Variants in ABCC10 observed in about 807,000 individuals in gnomAD.
ABCC10 encodes the protein ATP-binding cassette sub-family C member 10.
Under a neutral mutation model 143.2 loss-of-function variants are expected in ABCC10, and 110 were observed. The observed-to-expected ratio is 0.77, with a 90% CI of 0.66 to 0.90. The LOEUF is 0.90. Ranked by LOEUF, ABCC10 falls within the 40% of genes least tolerant of loss-of-function variation. The pLI is 0.00. For synonymous variants in ABCC10, 805 were observed against 846.7 expected (o/e 0.95, Z 0.85); for missense variants, 1,700 against 1,900.5 (o/e 0.89, Z 1.96).
At chr6:43,428,667 T>C (rs1780761608) in intron 2 of ABCC10, among the ~76,000 whole-genome samples, 1 of 152,194 alleles carries the variant, frequency 6.6e-6, no homozygotes, top group Non-Finnish European at 1.5e-5. Flanking sequence ...TTAAGGGCTA[T>C]AAGGTGTGGA....
chr6:43,428,906 C>T (rs1260832039), intron 2 of ABCC10, among the ~76,000 whole-genome samples: 1 of 152,178 alleles, frequency 6.6e-6, no homozygotes, highest in African/African-American at 2.4e-5. Flanking sequence ...TCTGAGAAGG[C>T]TGTCTATGCT....
At chr6:43,451,908 C>G, downstream of ABCC10, 1 of 1,612,662 alleles carries the variant, frequency 6.2e-7, no homozygotes, top group Non-Finnish European at 8.5e-7. This position sits in a 1 kb window ranked among gnomAD's most constrained non-coding sequence, Gnocchi z 4.4. Context: ...TCTGGTCTAA[C>G]CTTCCACTCA....
chr6:43,449,320 TG>T (rs1267663374), intron 20 of ABCC10, 101 bp from the exon 21 acceptor site: 3 of 1,492,662 alleles, frequency 2.0e-6, no homozygotes, highest in African/African-American at 2.8e-5. Context: ...CTTTTAGAGC[TG>T]GAAGTGGGGA....
intron 16 of ABCC10, 140 bp downstream of exon 16, chr6:43,446,586 C>T: frequency 2.1e-6 from 3 of 1,429,272 alleles, no homozygotes; most frequent in South Asian, 1.5e-5. Flanking sequence ...TTATCATCAT[C>T]ACCCCCGTTT....
intron 13 of ABCC10, 64 bp downstream of exon 13, chr6:43,445,002 G>A (rs952741879): frequency 2.5e-6 from 4 of 1,580,200 alleles, no homozygotes; most frequent in Non-Finnish European, 3.4e-6. Flanking sequence ...AGGGAGTGAG[G>A]GTTGTGGCCG....
At chr6:43,428,207 TC>T (rs1223605516) in intron 2 of ABCC10, 68 bp downstream of exon 2, 1 of 1,429,108 alleles carries the variant, frequency 7.0e-7, no homozygotes, top group African/African-American at 1.4e-5. Flanking sequence ...GCCTACATCT[TC>T]CGGCAGTGTC....
In ABCC10 at chr6:43,432,505, C is replaced by T. The variant is rs2127383820; in HGVS notation, c.525C>T (p.Leu175=). ...LPGPMARLCL[L]ILQLAALLAY... ...GGCCCATGGCCCGCCTATGCTTGCT[C>T]ATCCTGCAGCTGGCTGCACTCTTGG... The change falls in exon 3 of 22, where the codon CTC becomes CTT. Residue 175 remains leucine, a synonymous_variant. Transcript: ENST00000372530. 1 of 1,612,222 alleles carries T rather than the reference C, an allele frequency of 6.2e-7. No individual in the cohort carries two copies. Among genetic ancestry groups the T allele is most frequent in the East Asian group, 2.2e-5 (1 of 44,892 alleles).
Position 43,433,046 on chromosome 6 carries a change from C to G in ABCC10, c.1066C>G (p.Arg356Gly), listed in dbSNP as rs150694420. The change falls in exon 3 of 22, where the codon CGG becomes GGG. Residue 356 changes from arginine (R) to glycine (G), a missense_variant. Coordinates refer to ENST00000372530, the MANE Select transcript of ABCC10 (RefSeq NM_001198934.2). ...GGTATATAAGGTAACACTTCAGGCA[C>G]GGGGGGCTGTGCTGAACATCCTGTA... Reference protein sequence around the residue: ...YEVYKVTLQARGAVLNILYCK... With the variant: ...YEVYKVTLQAGGAVLNILYCK... 1 of 1,614,106 alleles carries G rather than the reference C, an allele frequency of 6.2e-7. No individual in the cohort carries two copies. Among genetic ancestry groups the G allele is most frequent in the South Asian group, 1.1e-5 (1 of 91,076 alleles).
rs969772348 is a variant in ABCC10 at position 43,446,261 on chromosome 6, C to T, written c.3375-16C>T. On this transcript the variant is annotated splice_polypyrimidine_tract_variant and intron_variant, in intron 15 of 21. Transcript: ENST00000372530. ...GCAACAGTGGAGTGGCTTCACATCCCTCTGGCCTTCCCTAGGTTTGAGGAG... is the reference window on the plus strand; with the variant it reads ...GCAACAGTGGAGTGGCTTCACATCCTTCTGGCCTTCCCTAGGTTTGAGGAG... 3 of 1,609,354 alleles carry T rather than the reference C, an allele frequency of 1.9e-6. No individual in the cohort carries two copies. Among genetic ancestry groups the T allele is most frequent in the Non-Finnish European group, 2.5e-6 (3 of 1,177,166 alleles).
chr6:43,450,444 G>T, downstream of ABCC10: 1 of 1,384,566 alleles, frequency 7.2e-7, no homozygotes, highest in Non-Finnish European at 9.7e-7. The surrounding 1 kb of genome is among the most constrained non-coding windows in gnomAD (Gnocchi z 4.5). Flanking sequence ...GGTCTCCTCT[G>T]TGTGTGTACC....
chr6:43,438,251 A>C, intron 7 of ABCC10: 1 of 1,039,456 alleles, frequency 9.6e-7, no homozygotes, highest in African/African-American at 1.6e-5. Context: ...GGAAACATCC[A>C]GTGTCAGCTA....
At position 43,432,112 on chromosome 6, in the gene ABCC10, G is replaced by A. The variant is rs200566277; in HGVS notation, c.162-30G>A. 4 of 1,607,748 alleles carry A rather than the reference G, an allele frequency of 2.5e-6. No homozygotes were observed. The East Asian group carries it at 6.7e-5, about 27-fold the overall frequency. ...GTCTGGCTCCTGAGTCAGCCACGAT[G>A]TGCCTCCTTGTCTTCCCCCTTGTCC... On this transcript the variant is annotated intron_variant, in intron 2 of 21. Coordinates refer to ENST00000372530, the MANE Select transcript of ABCC10 (RefSeq NM_001198934.2).
At chr6:43,436,059 C>T in intron 5 of ABCC10, 79 bp from the exon 6 acceptor site, 12 of 1,607,488 alleles carry the variant, frequency 7.5e-6, no homozygotes, top group Non-Finnish European at 1.0e-5. Flanking sequence ...ATGGGGCTGG[C>T]AAGTGAATTA....
At position 43,447,826 on chromosome 6, in the gene ABCC10, G is replaced by C; in HGVS notation, c.3848G>C (p.Gly1283Ala). The C allele has an allele frequency of 6.2e-7, 1 of 1,613,674 alleles. No homozygotes were observed. Among genetic ancestry groups the C allele is most frequent in the Non-Finnish European group, 8.5e-7 (1 of 1,180,018 alleles). Residue 1283 changes from glycine to alanine, a missense_variant, in exon 18 of 22, where the codon GGC becomes GCC. Gly to Ala is a moderately conservative substitution (Grantham distance 60). Coordinates refer to ENST00000372530, the MANE Select transcript of ABCC10 (RefSeq NM_001198934.2). Reference protein sequence around the residue: ...GEKLGIVGRTGSGKSSLLLVL... With the variant: ...GEKLGIVGRTASGKSSLLLVL... ...AAGTTGGGCATCGTGGGCCGCACAG[G>C]CTCCGGCAAGTCTTCCCTGTTGTTG...
In ABCC10 at chr6:43,432,130, C is replaced by A; in HGVS notation, c.162-12C>A. The stretch of plus-strand genomic sequence containing the variant: ...CCACGATGTGCCTCCTTGTCTTCCC[C>A]CTTGTCCCCAGGAGTCCAGATTACA... On this transcript the variant is annotated splice_polypyrimidine_tract_variant and intron_variant, in intron 2 of 21. Coordinates refer to ENST00000372530, the MANE Select transcript of ABCC10 (RefSeq NM_001198934.2). 6.2e-7 allele frequency: 1 copy of A among 1,613,132 alleles called. No individual in the cohort carries two copies. Among genetic ancestry groups the A allele is most frequent in the Non-Finnish European group, 8.5e-7 (1 of 1,179,360 alleles).
chr6:43,431,791 A>T, intron 2 of ABCC10: 1 of 1,125,144 alleles, frequency 8.9e-7, no homozygotes, highest in Non-Finnish European at 1.1e-6. Context: ...CGTAGTACCC[A>T]GGATTTTTTT....
rs559935451 is a variant in ABCC10 at position 43,450,392 on chromosome 6, A to C, written c.*301A>C. Reference sequence around the variant, plus strand: ...TTTATTTGATAAAATTCCATCTTACATTCTGTGTATTAAAAAAATAATATT... The same window carrying C: ...TTTATTTGATAAAATTCCATCTTACCTTCTGTGTATTAAAAAAATAATATT... On this transcript the variant is annotated 3_prime_UTR_variant, in exon 22 of 22. Coordinates refer to ENST00000372530, the MANE Select transcript of ABCC10 (RefSeq NM_001198934.2). This position sits in a 1 kb window ranked among gnomAD's most constrained non-coding sequence, Gnocchi z 4.5. The C allele has an allele frequency of 9.4e-6, 10 of 1,065,104 alleles. No individual in the cohort carries two copies. The African/African-American group carries it at 9.7e-5, about 10-fold the overall frequency. The allele number at this position is 1,065,104 out of a possible 1,614,324, so 66.0% of individuals were successfully genotyped here.
rs928381270 is a variant in ABCC10 at position 43,431,733 on chromosome 6, T to C, written c.162-409T>C. 3.6e-6 allele frequency: 3 copies of C among 823,602 alleles called. No individual in the cohort carries two copies. In the East Asian group the frequency reaches 3.1e-4, roughly 85 times the overall value. 51.0% of individuals were successfully genotyped at this position (823,602 alleles called of 1,614,324 possible). A position where few individuals can be genotyped will look rare whatever the true frequency, so the allele number is the denominator to read the frequency against. On this transcript the variant is annotated intron_variant, in intron 2 of 21. Transcript: ENST00000372530. The stretch of plus-strand genomic sequence containing the variant: ...TGTTATTATACATGGATATATTATG[T>C]GATGCTGAAGTTTGGGCTTCTAATG...
chr6:43,437,933 G>C lies in ABCC10; in HGVS notation c.1876-1G>C, dbSNP rs374140047. The C allele has an allele frequency of 6.2e-7, 1 of 1,612,484 alleles. No individual in the cohort carries two copies. On this transcript the variant is annotated splice_acceptor_variant, in intron 6 of 21. Transcript: ENST00000372530. LOFTEE classifies it high-confidence loss of function. ...CAGATGCTTGTGTGGCTTCCTTGCA[G>C]GGTATGCTGGTGGGCATCGTGGGGA...
Sources: gnomAD v4.1 joint callset for allele counts (sites outside exome capture counted in the v4.1 genomes callset) on GRCh38, gnomAD v4.1.1 for gene constraint, Gnocchi (gnomAD v3.1) non-coding constraint, MANE v1.5 for transcripts, NCBI Gene and HGNC (gene_info 2026-07-23, HGNC 2026-07-21) for gene names.